Variants in COL4A5 observed in about 807,000 individuals in gnomAD.
COL4A5 encodes the protein collagen type IV alpha 5 chain.
In COL4A5, 26 loss-of-function variants were observed where a neutral mutation model predicts 130.2. The observed-to-expected ratio is 0.20, with a 90% CI of 0.15 to 0.28. The LOEUF is 0.28. Among genes scored for constraint, COL4A5 ranks in the 10% least tolerant of loss-of-function variants. The probability of loss-of-function intolerance (pLI) is 1.00; values close to 1 mark genes in which losing one functional copy is unlikely to be tolerated. For synonymous variants in COL4A5, 496 were observed against 439.6 expected (o/e 1.13, Z -1.60); for missense variants, 1,131 against 1,344.3 (o/e 0.84, Z 2.48).
intron 1 of COL4A5, among the ~76,000 whole-genome samples, chrX:108,491,647 C>G (rs748195108): frequency 1.8e-5 from 2 of 111,287 alleles, no homozygotes; most frequent in South Asian, 3.8e-4. Context: ...TTTAGCTTAC[C>G]CTTGTCCCAC....
intron 1 of COL4A5, among the ~76,000 whole-genome samples, chrX:108,466,605 AT>A (rs1282474824): frequency 8.3e-4 from 86 of 104,085 alleles, no homozygotes; most frequent in Non-Finnish European, 7.3e-4. Context: ...GACCATCAGT[AT>A]TTTTTTTTTT....
At chrX:108,630,305 C>T (rs1057316424) in intron 36 of COL4A5, among the ~76,000 whole-genome samples, 1 of 111,917 alleles carries the variant, frequency 8.9e-6, no homozygotes, top group African/African-American at 3.2e-5. Flanking sequence ...TTATCCACAT[C>T]CTCTCCAGCA....
Position 108,601,891 on chromosome X carries a change from C to T in COL4A5, c.2048C>T (p.Pro683Leu), listed in dbSNP as rs2147820855. ...AACTGCTGTTTCTCCATAGGTGACC[C>T]TGGACTTCCAGGGCAACCAGGCTTG... The part of the protein sequence containing the change: ...RDGDVGLPGD[P>L]GLPGQPGLPG... Residue 683 changes from proline (P) to leucine (L), a missense_variant, in exon 27 of 53, where the codon CCT becomes CTT. Physicochemically the swap from Pro to Leu is moderately conservative, Grantham distance 98. Coordinates refer to ENST00000328300, the MANE Select transcript of COL4A5 (RefSeq NM_033380.3). The T allele has an allele frequency of 8.8e-7, 1 of 1,141,824 alleles. No individual in the cohort carries two copies. Among genetic ancestry groups the T allele is most frequent in the South Asian group, 1.9e-5 (1 of 52,445 alleles). The allele number at this position is 1,141,824 out of a possible 1,213,427, so 94.1% of individuals were successfully genotyped here. A position where few individuals can be genotyped will look rare whatever the true frequency, so the allele number is the denominator to read the frequency against.
intron 1 of COL4A5, among the ~76,000 whole-genome samples, chrX:108,473,611 A>ATGTG (rs1357626541): frequency 1.3e-4 from 6 of 46,765 alleles, no homozygotes; most frequent in Non-Finnish European, 2.3e-4. Flanking sequence ...ATATATATAT[A>ATGTG]TGTATATATA....
intron 1 of COL4A5, among the ~76,000 whole-genome samples, chrX:108,508,575 A>T (rs1264719067): frequency 1.9e-5 from 2 of 107,309 alleles, no homozygotes; most frequent in Non-Finnish European, 3.9e-5. Context: ...AAAAAAAAAA[A>T]AAAAAAGACA....
intron 1 of COL4A5, among the ~76,000 whole-genome samples, chrX:108,503,984 C>A (rs1042409550): frequency 8.9e-6 from 1 of 112,159 alleles, no homozygotes; most frequent in Non-Finnish European, 1.9e-5. Context: ...CACTACCTGA[C>A]TTCAAATTAT....
At chrX:108,606,113 C>G (rs1011357006) in intron 28 of COL4A5, among the ~76,000 whole-genome samples, 4 of 111,600 alleles carry the variant, frequency 3.6e-5, no homozygotes, top group African/African-American at 6.5e-5. Context: ...ACCCGTGACA[C>G]CAGTTCTCAT....
At chrX:108,666,736 C>A (rs974710110) in intron 39 of COL4A5, 142 bp downstream of exon 39, 6 of 538,533 alleles carry the variant, frequency 1.1e-5, no homozygotes, top group Admixed American at 9.4e-5. Flanking sequence ...TTACCGTCTT[C>A]CTCTTCATCC....
At chrX:108,584,649 C>A (rs927329849) in intron 18 of COL4A5, 124 bp downstream of exon 18, 1 of 586,900 alleles carries the variant, frequency 1.7e-6, no homozygotes, top group Non-Finnish European at 2.7e-6. Flanking sequence ...TTATCAATTT[C>A]TACTGGCTTA....
chrX:108,665,713 T>G, intron 38 of COL4A5, 126 bp downstream of exon 38: 1 of 512,489 alleles, frequency 2.0e-6, no homozygotes, highest in African/African-American at 2.3e-5. Flanking sequence ...TTCATTCACT[T>G]AACACTGCAT....
At chrX:108,635,145 G>A (rs370687269) in intron 36 of COL4A5, among the ~76,000 whole-genome samples, 1 of 110,959 alleles carries the variant, frequency 9.0e-6, no homozygotes, top group Non-Finnish European at 1.9e-5. Context: ...AGAAATTTGA[G>A]TCCTGGGTTT....
At chrX:108,669,377 T>C (rs1451314192) in intron 41 of COL4A5, among the ~76,000 whole-genome samples, 1 of 112,402 alleles carries the variant, frequency 8.9e-6, no homozygotes, top group Non-Finnish European at 1.9e-5. Context: ...AAAAATGTTA[T>C]TTATATTACA....
chrX:108,694,429 G>C, intron 50 of COL4A5: 2 of 219,620 alleles, frequency 9.1e-6, no homozygotes, highest in Non-Finnish European at 1.7e-5. Context: ...TCTTACCACA[G>C]TTTCAGCATT....
chrX:108,491,182 T>C (rs976489970), intron 1 of COL4A5, among the ~76,000 whole-genome samples: 1 of 111,241 alleles, frequency 9.0e-6, no homozygotes, highest in African/African-American at 3.3e-5. Context: ...CAAGGAATTT[T>C]AGGATCTTGG....
intron 1 of COL4A5, among the ~76,000 whole-genome samples, chrX:108,460,872 T>C (rs1030186121): frequency 9.2e-6 from 1 of 109,103 alleles, no homozygotes; most frequent in Non-Finnish European, 1.9e-5. Context: ...TATAGGAATT[T>C]GGTTAATAGT....
At position 108,690,030 on chromosome X, in the gene COL4A5, A is replaced by G. The variant is rs1369700917; in HGVS notation, c.4528+2336A>G. 23 of 751,125 alleles carry G rather than the reference A, an allele frequency of 3.1e-5. No homozygotes were observed. In the South Asian group the frequency reaches 1.3e-3, roughly 42 times the overall value. The allele number at this position is 751,125 out of a possible 1,213,427, so 61.9% of individuals were successfully genotyped here. A position where few individuals can be genotyped will look rare whatever the true frequency, so the allele number is the denominator to read the frequency against. On this transcript the variant is annotated intron_variant, in intron 49 of 52. Coordinates refer to ENST00000328300, the MANE Select transcript of COL4A5 (RefSeq NM_033380.3). ...CTTTCTTTTCCTTACGAGACTGGAT[A>G]TTTTCAGCTCTGTCCCAAATTAGGC...
At chrX:108,593,452 T>C (rs2066466501) in intron 21 of COL4A5, among the ~76,000 whole-genome samples, 1 of 111,704 alleles carries the variant, frequency 9.0e-6, no homozygotes, top group Non-Finnish European at 1.9e-5. Context: ...ATTTCCTATT[T>C]TATCGTTAGT....
At chrX:108,512,251 T>C (rs1222253634) in intron 1 of COL4A5, among the ~76,000 whole-genome samples, 2 of 112,062 alleles carry the variant, frequency 1.8e-5, no homozygotes, top group Non-Finnish European at 3.8e-5. Context: ...CATCATGTTA[T>C]AGAACATTAA....
chrX:108,520,501 G>C (rs1002024883), intron 1 of COL4A5, among the ~76,000 whole-genome samples: 1 of 110,938 alleles, frequency 9.0e-6, no homozygotes, highest in Non-Finnish European at 1.9e-5. Flanking sequence ...TAAAATCTCC[G>C]ACTCTGATTG....
Sources: allele counts gnomAD v4.1 joint callset (sites outside exome capture counted in the v4.1 genomes callset), GRCh38; gene constraint gnomAD v4.1.1; transcripts MANE v1.5; gene names NCBI Gene and HGNC (gene_info 2026-07-23, HGNC 2026-07-21).